The following TRIO variants were observed in gnomAD, a reference collection of about 807,000 sequenced individuals.
The protein encoded by TRIO is trio Rho guanine nucleotide exchange factor.
In TRIO, 58 loss-of-function variants were observed where a neutral mutation model predicts 351.9. That is an observed-to-expected ratio of 0.16 (90% CI 0.13 to 0.21). The LOEUF (loss-of-function observed/expected upper bound fraction) is 0.21. Among genes scored for constraint, TRIO ranks in the 10% least tolerant of loss-of-function variants. TRIO has a pLI of 1.00. For synonymous variants in TRIO, 1,758 were observed against 1,595.7 expected, an observed-to-expected ratio of 1.10 and a Z score of -2.42; for missense variants, 3,201 against 4,027.8, an observed-to-expected ratio of 0.79 and a Z score of 5.56.
chr5:14,432,390 TCA>T (rs1751230914), intron 34 of TRIO, among the ~76,000 whole-genome samples: 1 of 152,174 alleles, frequency 6.6e-6, no homozygotes, highest in Non-Finnish European at 1.5e-5. Context: ...AGAGACAAAC[TCA>T]GTTGCCCAAG....
intron 28 of TRIO, among the ~76,000 whole-genome samples, chr5:14,396,155 T>C (rs1360008162): frequency 1.3e-5 from 2 of 151,910 alleles, no homozygotes; most frequent in East Asian, 3.9e-4. Flanking sequence ...CTTTGCAATG[T>C]AATCACACAC....
chr5:14,417,274 A>G (rs7716208), intron 33 of TRIO, among the ~76,000 whole-genome samples: 10,235 of 152,304 alleles, frequency 0.067, 1,134 homozygotes, highest in African/African-American at 0.23. Flanking sequence ...TGGCCTAGCA[A>G]AGCTGATTCA....
chr5:14,394,023 TTG>T lies in TRIO; in HGVS notation c.4219-14_4219-13del. On this transcript the variant is annotated splice_polypyrimidine_tract_variant and intron_variant, in intron 27 of 56. Transcript: ENST00000344204. ...CCCTATGATAACTCTTGTTTCTTGTTTGGTTTTAATACAGGAGATACAGCAGC... is the reference window on the plus strand; with the variant it reads ...CCCTATGATAACTCTTGTTTCTTGTTGTTTTAATACAGGAGATACAGCAGC... 1 of 1,590,816 alleles carries T rather than the reference TTG, an allele frequency of 6.3e-7. No individual in the cohort carries two copies.
At chr5:14,461,386 CT>C in intron 35 of TRIO, 75 bp downstream of exon 35, 1 of 1,426,156 alleles carries the variant, frequency 7.0e-7, no homozygotes, top group East Asian at 2.5e-5. Flanking sequence ...AGTTGCTGAT[CT>C]TATGAGTAAA....
intron 3 of TRIO, among the ~76,000 whole-genome samples, chr5:14,285,154 C>T (rs919955844): frequency 1.3e-5 from 2 of 152,156 alleles, no homozygotes; most frequent in Admixed American, 6.5e-5. Flanking sequence ...TTGTAACCCA[C>T]GACCTAATTG....
intron 52 of TRIO, 126 bp from the exon 53 acceptor site, chr5:14,498,393 C>CT: frequency 6.6e-7 from 1 of 1,508,292 alleles, no homozygotes; most frequent in South Asian, 1.3e-5. Flanking sequence ...CATTTCACGC[C>CT]TGGGTGTACA....
intron 48 of TRIO, chr5:14,492,310 CAA>C (rs928697317): frequency 2.9e-5 from 15 of 513,970 alleles, no homozygotes; most frequent in African/African-American, 2.3e-4. Flanking sequence ...CTTCCAAAAC[CAA>C]AGAGTCATTA....
At chr5:14,254,248 A>G (rs1343380022) in intron 1 of TRIO, among the ~76,000 whole-genome samples, 1 of 149,744 alleles carries the variant, frequency 6.7e-6, no homozygotes, top group Non-Finnish European at 1.5e-5. Flanking sequence ...CGATGGCATG[A>G]TATCGGCTCA....
chr5:14,489,046 C>G (rs746302531), intron 48 of TRIO: 12 of 765,060 alleles, frequency 1.6e-5, no homozygotes, highest in Middle Eastern at 2.2e-4. Context: ...TGGCCTGGCC[C>G]GTAACACTTT....
chr5:14,228,020 G>C (rs934622881), intron 1 of TRIO, among the ~76,000 whole-genome samples: 3 of 152,110 alleles, frequency 2.0e-5, no homozygotes, highest in South Asian at 2.1e-4. Context: ...TGAGCTTTTG[G>C]GGGGATTCAG....
intron 1 of TRIO, among the ~76,000 whole-genome samples, chr5:14,240,284 A>T (rs558961790): frequency 6.6e-6 from 1 of 152,304 alleles, no homozygotes; most frequent in East Asian, 1.9e-4. Context: ...GTCAGTTATT[A>T]TCTACTAAAT....
At chr5:14,165,202 T>G (rs1411001940) in intron 1 of TRIO, among the ~76,000 whole-genome samples, 1 of 152,200 alleles carries the variant, frequency 6.6e-6, no homozygotes, top group Admixed American at 6.5e-5. Flanking sequence ...ATGCTAAGGT[T>G]TGGAATATGG....
At chr5:14,226,548 T>C (rs1793043910) in intron 1 of TRIO, among the ~76,000 whole-genome samples, 1 of 152,218 alleles carries the variant, frequency 6.6e-6, no homozygotes, top group African/African-American at 2.4e-5. Flanking sequence ...GGTAGCTAGA[T>C]AGAAGGGTTT....
chr5:14,405,209 G>A (rs1748597407), intron 31 of TRIO, among the ~76,000 whole-genome samples: 1 of 152,204 alleles, frequency 6.6e-6, no homozygotes, highest in African/African-American at 2.4e-5. Context: ...ATGGAGTCAA[G>A]GTGAATCTGC....
At chr5:14,169,236 A>T (rs370285006) in intron 1 of TRIO, among the ~76,000 whole-genome samples, 55 of 150,234 alleles carry the variant, frequency 3.7e-4, no homozygotes, top group Admixed American at 2.3e-3. Context: ...TTTAGATGGA[A>T]GGTTCCCCAT....
At chr5:14,222,910 G>C (rs1297008193) in intron 1 of TRIO, among the ~76,000 whole-genome samples, 1 of 152,216 alleles carries the variant, frequency 6.6e-6, no homozygotes, top group African/African-American at 2.4e-5. Context: ...GAGAGAATCA[G>C]ATGGCGTGCA....
At chr5:14,222,101 G>A (rs1289932745) in intron 1 of TRIO, among the ~76,000 whole-genome samples, 4 of 150,784 alleles carry the variant, frequency 2.7e-5, no homozygotes, top group East Asian at 3.9e-4. Context: ...AAAAGATTAC[G>A]ACTCTCTGAA....
Position 14,336,559 on chromosome 5 carries a change from A to G in TRIO, c.1878A>G (p.Lys626=). ...AGAACACATACACCAATGCGGATAA[A>G]TTACTGGAAGCAGCAGAACAGCTGG... ...VAQNTYTNAD[K]LLEAAEQLAQ... is the part of the protein sequence containing the mutation. The change falls in exon 11 of 57, where the codon AAA becomes AAG. Residue 626 remains lysine (K), a synonymous_variant. Transcript: ENST00000344204. 1.9e-6 allele frequency: 3 copies of G among 1,614,178 alleles called. No homozygotes were observed. The highest frequency in any genetic ancestry group is 2.2e-5 in the South Asian group (2 of 91,076).
intron 1 of TRIO, among the ~76,000 whole-genome samples, chr5:14,231,364 G>T (rs184408377): frequency 4.8e-4 from 73 of 152,338 alleles, no homozygotes; most frequent in Admixed American, 1.5e-3. Context: ...TTCAACAGAT[G>T]TTGGCCACTC....
Sources: gnomAD v4.1 joint callset for allele counts (sites outside exome capture counted in the v4.1 genomes callset) on GRCh38, gnomAD v4.1.1 for gene constraint, MANE v1.5 for transcripts, NCBI Gene and HGNC (gene_info 2026-07-23, HGNC 2026-07-21) for gene names.